GRIK1: variants seen among roughly 807,000 people sequenced by gnomAD.
GRIK1 encodes glutamate ionotropic receptor kainate type subunit 1, also known as glutamate receptor ionotropic, kainate 1.
Under a neutral mutation model 105.7 loss-of-function variants are expected in GRIK1, and 69 were observed. That is an observed-to-expected ratio of 0.65 (90% CI 0.54 to 0.80). The LOEUF (loss-of-function observed/expected upper bound fraction) is 0.80, where lower values mean the gene tolerates loss of function less well. GRIK1 is among the 30% of genes least tolerant of loss of function. The pLI is 0.00. For synonymous variants in GRIK1, 438 were observed against 431.3 expected (o/e 1.02, Z -0.19); for missense variants, 1,109 against 1,167.3 (o/e 0.95, Z 0.73).
chr21:29,590,019 T>TA (rs1276009029), intron 10 of GRIK1, among the ~76,000 whole-genome samples: 2 of 152,208 alleles, frequency 1.3e-5, no homozygotes, highest in Non-Finnish European at 2.9e-5. Flanking sequence ...CCCTCTCCTA[T>TA]AAATAATGGA....
chr21:29,852,218 T>C (rs922608104), intron 1 of GRIK1, among the ~76,000 whole-genome samples: 1 of 152,186 alleles, frequency 6.6e-6, no homozygotes, highest in African/African-American at 2.4e-5. Flanking sequence ...ACATTCAAAT[T>C]ATTTAGGAAT....
intron 1 of GRIK1, among the ~76,000 whole-genome samples, chr21:29,846,876 T>C (rs2065275): frequency 0.31 from 47,837 of 152,082 alleles, 8,100 homozygotes; most frequent in East Asian, 0.46. Context: ...CCAGTTTTCA[T>C]ATGTATATGT....
intron 1 of GRIK1, among the ~76,000 whole-genome samples, chr21:29,733,057 G>A (rs1164972660): frequency 2.0e-5 from 3 of 151,414 alleles, no homozygotes; most frequent in African/African-American, 4.9e-5. Flanking sequence ...TTCTACAGGC[G>A]GTTACATTTT....
chr21:29,937,739 A>G (rs968672324), intron 1 of GRIK1, among the ~76,000 whole-genome samples: 1 of 152,168 alleles, frequency 6.6e-6, no homozygotes, highest in African/African-American at 2.4e-5. Flanking sequence ...CAATTAAGTT[A>G]ATAAGTATTG....
Position 29,919,266 on chromosome 21 carries a change from C to A in GRIK1, c.118+20117G>T, listed in dbSNP as rs115997935. On this transcript the variant is annotated intron_variant, in intron 1 of 17. Coordinates refer to ENST00000327783, the MANE Select transcript of GRIK1 (RefSeq NM_001330994.2). The stretch of plus-strand genomic sequence containing the variant: ...AAGGCAAGAGACACTTGTGATGCAA[C>A]TCCTAAAAGTCCACGGAGGTAAGAG... Among the ~76,000 whole-genome samples the A allele has an allele frequency of 2.0e-3, 310 of 152,230 alleles. 1 individual carries two copies. The highest frequency in any genetic ancestry group is 7.0e-3 in the African/African-American group (291 of 41,568).
At chr21:29,878,150 T>C (rs184888420) in intron 1 of GRIK1, among the ~76,000 whole-genome samples, 1 of 151,978 alleles carries the variant, frequency 6.6e-6, no homozygotes, top group Non-Finnish European at 1.5e-5. Context: ...ATTTAGAGAA[T>C]GGAATTGGTA....
At chr21:29,587,964 C>CT (rs568648777) in intron 11 of GRIK1, among the ~76,000 whole-genome samples, 1,484 of 65,300 alleles carry the variant, frequency 0.023, 240 homozygotes, top group African/African-American at 0.054. Flanking sequence ...CTTTAAAATT[C>CT]TTTTTTTTTT....
At chr21:29,542,685 C>T (rs1340209167) in intron 16 of GRIK1, among the ~76,000 whole-genome samples, 4 of 152,190 alleles carry the variant, frequency 2.6e-5, no homozygotes, top group African/African-American at 4.8e-5. Flanking sequence ...TATACATTCA[C>T]ATCTTTCATT....
intron 1 of GRIK1, among the ~76,000 whole-genome samples, chr21:29,719,141 T>C (rs879447518): frequency 6.7e-6 from 1 of 149,784 alleles, no homozygotes; most frequent in Admixed American, 6.7e-5. Context: ...CATTGAAAGT[T>C]ATCTAGATAA....
At chr21:29,551,210 G>A (rs1568799410) in intron 16 of GRIK1, among the ~76,000 whole-genome samples, 2 of 152,234 alleles carry the variant, frequency 1.3e-5, no homozygotes, top group Non-Finnish European at 2.9e-5. Context: ...GAGATAGCAT[G>A]TAGTAAAGGA....
chr21:29,698,947 A>G (rs2063762829), intron 1 of GRIK1, among the ~76,000 whole-genome samples: 1 of 152,206 alleles, frequency 6.6e-6, no homozygotes, highest in Non-Finnish European at 1.5e-5. Context: ...TGCTTTTTTT[A>G]TTAATACACG....
chr21:29,680,948 C>T (rs1221167753), intron 3 of GRIK1, among the ~76,000 whole-genome samples: 1 of 152,112 alleles, frequency 6.6e-6, no homozygotes, highest in African/African-American at 2.4e-5. Context: ...GCCTGACCGA[C>T]ATAGTGAAAC....
chr21:29,882,415 G>T (rs1050461879), intron 1 of GRIK1, among the ~76,000 whole-genome samples: 1 of 152,030 alleles, frequency 6.6e-6, no homozygotes, highest in South Asian at 2.1e-4. Flanking sequence ...TGTCATTGAA[G>T]AAATGGTTCT....
chr21:29,725,991 G>A (rs556506740), intron 1 of GRIK1, among the ~76,000 whole-genome samples: 3 of 152,230 alleles, frequency 2.0e-5, no homozygotes, highest in East Asian at 3.9e-4. Flanking sequence ...ATGCCCATTA[G>A]AATGAGATCT....
intron 1 of GRIK1, among the ~76,000 whole-genome samples, chr21:29,754,899 T>C (rs1012062962): frequency 6.6e-6 from 1 of 152,300 alleles, no homozygotes; most frequent in Non-Finnish European, 1.5e-5. Context: ...GATTTCAGAC[T>C]TATCTAGTCT....
rs138088993 is a variant in GRIK1 at position 29,609,883 on chromosome 21, T to C, written c.1099-10946A>G. Among the ~76,000 whole-genome samples the C allele has an allele frequency of 1.9e-3, 286 of 152,270 alleles. 1 individual carries two copies. Among genetic ancestry groups the C allele is most frequent in the African/African-American group, 6.5e-3 (272 of 41,562 alleles). ...TTCCCTCTCTCTTTCTCTGTCTCTC[T>C]CTCTCCTATTGGTTTTGTTTCTCTG... On this transcript the variant is annotated intron_variant, in intron 7 of 17. Transcript: ENST00000327783.
chr21:29,879,246 T>C (rs1270417553), intron 1 of GRIK1, among the ~76,000 whole-genome samples: 1 of 152,044 alleles, frequency 6.6e-6, no homozygotes. Flanking sequence ...AAAAATGCTG[T>C]TGGAATTGGT....
intron 2 of GRIK1, among the ~76,000 whole-genome samples, chr21:29,691,538 G>A (rs971046167): frequency 1.7e-4 from 26 of 152,090 alleles, no homozygotes; most frequent in African/African-American, 6.0e-4. Context: ...GGAAAGGTTG[G>A]GGCAGTTTGC....
Position 29,917,384 on chromosome 21 carries a change from G to A in GRIK1, c.118+21999C>T, listed in dbSNP as rs115173514. Among the ~76,000 whole-genome samples, 250 of 151,994 alleles carry A rather than the reference G, an allele frequency of 1.6e-3. 1 individual carries two copies. Among genetic ancestry groups the A allele is most frequent in the African/African-American group, 5.9e-3 (245 of 41,492 alleles). On this transcript the variant is annotated intron_variant, in intron 1 of 17. Coordinates refer to ENST00000327783, the MANE Select transcript of GRIK1 (RefSeq NM_001330994.2). ...ACTGTTTCTGCTGCCATTTTACTAC[G>A]GCATTAGGGAGAAAGGAATGCCAAT...
Sources: gnomAD v4.1 joint callset for allele counts (sites outside exome capture counted in the v4.1 genomes callset) on GRCh38, gnomAD v4.1.1 for gene constraint, MANE v1.5 for transcripts, NCBI Gene and HGNC (gene_info 2026-07-23, HGNC 2026-07-21) for gene names.